SCGB2B2: variants seen among roughly 807,000 people sequenced by gnomAD.
SCGB2B2 encodes secretoglobin-like protein.
SCGB2B2 carries 11 observed loss-of-function variants against 7.6 expected under a neutral mutation model. That is an observed-to-expected ratio of 1.45 (90% CI 0.91 to 2.40). The LOEUF is 2.40. Among genes scored for constraint, SCGB2B2 ranks in the 30% most tolerant of loss-of-function variants. The pLI is 0.00. For synonymous variants in SCGB2B2, 50 were observed against 48.6 expected (o/e 1.03, Z -0.12); for missense variants, 104 against 115.4 (o/e 0.90, Z 0.45).
intron 1 of SCGB2B2, among the ~76,000 whole-genome samples, chr19:34,657,552 T>A (rs1322637645): frequency 1.3e-5 from 2 of 152,048 alleles, no homozygotes; most frequent in Non-Finnish European, 2.9e-5. Flanking sequence ...AAGAGCTAAC[T>A]ATCCTAAATA....
chr19:34,659,590 A>T (rs959135378), intron 1 of SCGB2B2, among the ~76,000 whole-genome samples: 2 of 152,244 alleles, frequency 1.3e-5, no homozygotes, highest in Admixed American at 1.3e-4. Context: ...AGGGATGTGA[A>T]GGATGTCTTC....
At chr19:34,597,903 T>C (rs1017449325) in intron 1 of SCGB2B2, among the ~76,000 whole-genome samples, 1 of 150,850 alleles carries the variant, frequency 6.6e-6, no homozygotes, top group Non-Finnish European at 1.5e-5. Flanking sequence ...CTGGGGCTGG[T>C]GGGTGGGTCA....
chr19:34,605,390 T>G (rs2065748561), intron 1 of SCGB2B2, among the ~76,000 whole-genome samples: 1 of 152,200 alleles, frequency 6.6e-6, no homozygotes, highest in Non-Finnish European at 1.5e-5. Flanking sequence ...CTCCTTGTGC[T>G]GTGCTTTTGT....
At chr19:34,607,122 T>C (rs1054073082) in intron 1 of SCGB2B2, among the ~76,000 whole-genome samples, 3 of 152,228 alleles carry the variant, frequency 2.0e-5, no homozygotes, top group African/African-American at 4.8e-5. Flanking sequence ...AGATTCTACA[T>C]AGAAGTGAGG....
At chr19:34,674,078 C>G (rs1466442429) in intron 1 of SCGB2B2, among the ~76,000 whole-genome samples, 8 of 152,314 alleles carry the variant, frequency 5.3e-5, no homozygotes, top group Admixed American at 2.0e-4. Flanking sequence ...TGTTGGCCCT[C>G]TCTCCACTCA....
Position 34,591,272 on chromosome 19 carries a change from T to A in SCGB2B2, c.*2283A>T, listed in dbSNP as rs144537565. 1.7e-3 allele frequency among the ~76,000 whole-genome samples: 252 copies of A among 152,348 alleles called. 2 individuals carry two copies. Among genetic ancestry groups the A allele is most frequent in the African/African-American group, 5.5e-3 (229 of 41,574 alleles). On this transcript the variant is annotated 3_prime_UTR_variant, in exon 4 of 4. Transcript: ENST00000601241. Reference sequence around the variant, plus strand: ...AGGCTTCACCTTCTCAGCAGTGGCATCACATCCAGCCAGCTGCTCCAGCCC... The same window carrying A: ...AGGCTTCACCTTCTCAGCAGTGGCAACACATCCAGCCAGCTGCTCCAGCCC...
At chr19:34,635,040 A>G in intron 1 of SCGB2B2, 1 of 297,234 alleles carries the variant, frequency 3.4e-6, no homozygotes, top group Non-Finnish European at 7.0e-6. Context: ...GGATTCTCCA[A>G]TGCCGAGCAA....
At chr19:34,600,195 CTT>C (rs1176340260) in intron 1 of SCGB2B2, among the ~76,000 whole-genome samples, 1 of 152,176 alleles carries the variant, frequency 6.6e-6, no homozygotes, top group East Asian at 1.9e-4. Flanking sequence ...TAATTTTGCT[CTT>C]TTACAATTTA....
rs1486723466 is a variant in SCGB2B2, at chr19:34,676,465, C to T, written c.-2867G>A. 1 of 152,234 alleles carries T rather than the reference C, an allele frequency of 6.6e-6. No individual in the cohort carries two copies. The highest frequency in any genetic ancestry group is 2.1e-4 in the South Asian group (1 of 4,832). The allele number at this position is 152,234 out of a possible 1,614,324, so 9.4% of individuals were successfully genotyped here. On this transcript the variant is annotated 5_prime_UTR_variant, in exon 1 of 4. It removes an upstream start codon present in the reference 5' UTR. Transcript: ENST00000601241. The stretch of plus-strand genomic sequence containing the variant: ...TTGCCCACCTCTTTCCTGGAAAACT[C>T]ATGAATAATCCACCCTTGTTTAGCA...
At chr19:34,675,436 T>C (rs1240479702) in intron 1 of SCGB2B2, among the ~76,000 whole-genome samples, 194 bp downstream of exon 1, 1 of 152,170 alleles carries the variant, frequency 6.6e-6, no homozygotes, top group Non-Finnish European at 1.5e-5. Flanking sequence ...CCAGAGCGAC[T>C]CCATCTTGAA....
chr19:34,660,675 TG>T (rs1397305391), intron 1 of SCGB2B2, among the ~76,000 whole-genome samples: 1 of 152,152 alleles, frequency 6.6e-6, no homozygotes, highest in Non-Finnish European at 1.5e-5. Flanking sequence ...CATTGTTGGT[TG>T]AAGAGTAAAT....
chr19:34,665,323 G>C (rs2067585121), intron 1 of SCGB2B2, among the ~76,000 whole-genome samples: 1 of 152,204 alleles, frequency 6.6e-6, no homozygotes, highest in African/African-American at 2.4e-5. Flanking sequence ...GGAACTGCTG[G>C]TCCCAGTGCC....
At chr19:34,655,169 T>C (rs1190073594) in intron 1 of SCGB2B2, among the ~76,000 whole-genome samples, 1 of 151,244 alleles carries the variant, frequency 6.6e-6, no homozygotes, top group African/African-American at 2.5e-5. Flanking sequence ...ATTCCAAAGT[T>C]AACCTGAAAA....
At chr19:34,644,195 C>G (rs1457042023) in intron 1 of SCGB2B2, among the ~76,000 whole-genome samples, 1 of 152,058 alleles carries the variant, frequency 6.6e-6, no homozygotes, top group Non-Finnish European at 1.5e-5. Flanking sequence ...CAGATAGTGC[C>G]TAAAATAAAA....
chr19:34,607,075 C>G (rs539804715), intron 1 of SCGB2B2, among the ~76,000 whole-genome samples: 1 of 152,208 alleles, frequency 6.6e-6, no homozygotes, highest in Non-Finnish European at 1.5e-5. Flanking sequence ...CAGGCAACCA[C>G]CATTCTACTC....
At chr19:34,669,525 T>C (rs2067740113) in intron 1 of SCGB2B2, among the ~76,000 whole-genome samples, 4 of 152,196 alleles carry the variant, frequency 2.6e-5, no homozygotes, top group Admixed American at 2.6e-4. Flanking sequence ...CATGCACACA[T>C]GGACCTGCAG....
At chr19:34,611,309 T>A (rs764011849) in intron 1 of SCGB2B2, among the ~76,000 whole-genome samples, 1 of 152,174 alleles carries the variant, frequency 6.6e-6, no homozygotes, top group Non-Finnish European at 1.5e-5. Flanking sequence ...TTAGTCTCAA[T>A]TTTATTTACT....
chr19:34,670,017 G>A (rs1260958266), intron 1 of SCGB2B2, among the ~76,000 whole-genome samples: 3 of 152,184 alleles, frequency 2.0e-5, no homozygotes, highest in African/African-American at 4.8e-5. Flanking sequence ...TTGGCCTATA[G>A]TGTTGGTCTC....
intron 1 of SCGB2B2, among the ~76,000 whole-genome samples, chr19:34,631,658 C>T (rs1200264823): frequency 6.6e-6 from 1 of 152,072 alleles, no homozygotes; most frequent in Non-Finnish European, 1.5e-5. Context: ...TGGGTTACAA[C>T]ACTCAATATT....
Sources: gnomAD v4.1 joint callset for allele counts (sites outside exome capture counted in the v4.1 genomes callset) on GRCh38, gnomAD v4.1.1 for gene constraint, MANE v1.5 for transcripts, NCBI Gene and HGNC (gene_info 2026-07-23, HGNC 2026-07-21) for gene names.